Variants in FMN1 observed in about 807,000 individuals in gnomAD.
FMN1 encodes formin 1.
In FMN1, 110 loss-of-function variants were observed where a neutral mutation model predicts 132.4. The ratio of observed to expected loss-of-function variants is 0.83; its 90% CI spans 0.71 to 0.97. The LOEUF (loss-of-function observed/expected upper bound fraction) is 0.97. FMN1 is among the 50% of genes least tolerant of loss of function. The probability of loss-of-function intolerance (pLI) is 0.00; values close to 1 mark genes in which losing one functional copy is unlikely to be tolerated. For missense variants in FMN1, 1,792 were observed against 1,705.3 expected (o/e 1.05, Z -0.90); for synonymous variants, 722 against 651.7 (o/e 1.11, Z -1.64).
chr15:33,055,652 G>A (rs1469114570), intron 6 of FMN1, among the ~76,000 whole-genome samples: 2 of 151,488 alleles, frequency 1.3e-5, no homozygotes, highest in Non-Finnish European at 1.5e-5. Flanking sequence ...AATATTGCAG[G>A]TCTAAATGAC....
At position 32,973,770 on chromosome 15, in the gene FMN1, A is replaced by T. The variant is rs369534163; in HGVS notation, c.2224-4293T>A. On this transcript the variant is annotated intron_variant, in intron 7 of 20. Transcript: ENST00000616417. ...ATTTCAAATTGTGTCTGACTCTATT[A>T]CAAATGAAGCATCTCAAGTTCATGC... Among the ~76,000 whole-genome samples the T allele has an allele frequency of 3.3e-5, 5 of 152,298 alleles. No homozygotes were observed. The East Asian group carries it at 9.6e-4, about 29-fold the overall frequency.
intron 2 of FMN1, among the ~76,000 whole-genome samples, chr15:33,186,397 G>A (rs1330128780): frequency 6.6e-6 from 1 of 151,940 alleles, no homozygotes; most frequent in Admixed American, 6.6e-5. Flanking sequence ...ATAGAAAAGT[G>A]TTTAGCCTCG....
intron 3 of FMN1, among the ~76,000 whole-genome samples, chr15:33,158,246 C>T (rs1005680813): frequency 2.9e-4 from 44 of 152,076 alleles, no homozygotes; most frequent in Non-Finnish European, 4.3e-4. Context: ...ACATGTAGTG[C>T]CTGTTTACAG....
chr15:33,118,999 T>G (rs955419988), intron 4 of FMN1, among the ~76,000 whole-genome samples: 2 of 152,104 alleles, frequency 1.3e-5, no homozygotes, highest in African/African-American at 4.8e-5. Context: ...GATGGTATAA[T>G]TTAAAAAATT....
At chr15:32,888,348 G>A (rs1248017322) in intron 15 of FMN1, 56 bp from the exon 16 acceptor site, 1 of 1,459,932 alleles carries the variant, frequency 6.8e-7, no homozygotes, top group South Asian at 1.4e-5. Context: ...ACTTTCAGTT[G>A]AAATTCCAAA....
At chr15:32,979,923 A>AT (rs2032515735) in intron 7 of FMN1, among the ~76,000 whole-genome samples, 1 of 152,234 alleles carries the variant, frequency 6.6e-6, no homozygotes, top group Non-Finnish European at 1.5e-5. Flanking sequence ...TTCATTACTT[A>AT]AACAAATGAC....
chr15:32,950,461 G>A (rs1596331064), intron 9 of FMN1, among the ~76,000 whole-genome samples: 1 of 152,132 alleles, frequency 6.6e-6, no homozygotes, highest in African/African-American at 2.4e-5. Flanking sequence ...ATGACAGACT[G>A]GATTTTAAAA....
intron 4 of FMN1, among the ~76,000 whole-genome samples, chr15:33,120,826 A>G (rs1227746316): frequency 2.7e-5 from 4 of 148,900 alleles, no homozygotes; most frequent in South Asian, 2.1e-4. Flanking sequence ...TGTATTTTTA[A>G]AAGTATTTCT....
intron 16 of FMN1, among the ~76,000 whole-genome samples, chr15:32,877,211 C>T (rs746862458): frequency 2.2e-4 from 33 of 151,282 alleles, no homozygotes; most frequent in Non-Finnish European, 3.4e-4. Context: ...CGTTTGAACC[C>T]GGGAGGCGGA....
At position 32,771,050 on chromosome 15, in the gene FMN1, C is replaced by T. The variant is rs980995820; in HGVS notation, c.*3260G>A. 1 of 151,542 alleles carries T rather than the reference C, an allele frequency of 6.6e-6. No individual in the cohort carries two copies. Among genetic ancestry groups the T allele is most frequent in the African/African-American group, 2.4e-5 (1 of 41,172 alleles). The allele number at this position is 151,542 out of a possible 1,614,324, so 9.4% of individuals were successfully genotyped here. Reference sequence around the variant, plus strand: ...ATTGAGATAAAAGCCATACAGCACACCTCCTAACCTGGTTTTTGATACTTC... The same window carrying T: ...ATTGAGATAAAAGCCATACAGCACATCTCCTAACCTGGTTTTTGATACTTC... On this transcript the variant is annotated 3_prime_UTR_variant, in exon 21 of 21. Coordinates refer to ENST00000616417, the MANE Select transcript of FMN1 (RefSeq NM_001277313.2).
At chr15:33,114,620 T>C (rs2039841361) in intron 4 of FMN1, among the ~76,000 whole-genome samples, 1 of 152,114 alleles carries the variant, frequency 6.6e-6, no homozygotes, top group Non-Finnish European at 1.5e-5. Context: ...CACTTAGGAT[T>C]TCCTTCCCCT....
At chr15:32,861,874 T>G (rs907073413) in intron 16 of FMN1, among the ~76,000 whole-genome samples, 2 of 152,206 alleles carry the variant, frequency 1.3e-5, no homozygotes, top group African/African-American at 4.8e-5. Context: ...CCTAGGCCTC[T>G]GAGCTTCGCG....
chr15:32,939,174 T>A (rs1268812020), intron 9 of FMN1, among the ~76,000 whole-genome samples: 4 of 152,226 alleles, frequency 2.6e-5, no homozygotes, highest in African/African-American at 7.2e-5. Context: ...GTGATAACAA[T>A]ACTTCAGGCT....
intron 17 of FMN1, among the ~76,000 whole-genome samples, chr15:32,849,304 TTC>T (rs2058947049): frequency 6.6e-6 from 1 of 152,084 alleles, no homozygotes; most frequent in Non-Finnish European, 1.5e-5. Flanking sequence ...CTTAGGTTAA[TTC>T]TTATTTGTTC....
At chr15:33,126,196 T>C (rs1420919904) in intron 4 of FMN1, among the ~76,000 whole-genome samples, 1 of 151,536 alleles carries the variant, frequency 6.6e-6, no homozygotes, top group Non-Finnish European at 1.5e-5. Flanking sequence ...ACATGGTGTG[T>C]TATTAAGCAC....
chr15:33,035,976 A>G (rs534976506), intron 6 of FMN1, among the ~76,000 whole-genome samples: 1 of 152,256 alleles, frequency 6.6e-6, no homozygotes, highest in South Asian at 2.1e-4. Flanking sequence ...CTGTGTTTGC[A>G]TGTTAGCACA....
At position 32,959,362 on chromosome 15, in the gene FMN1, A is replaced by G. The variant is rs189877748; in HGVS notation, c.3138+4745T>C. Among the ~76,000 whole-genome samples the G allele has an allele frequency of 3.6e-3, 547 of 152,308 alleles. 4 individuals carry two copies. The highest frequency in any genetic ancestry group is 5.0e-3 in the Non-Finnish European group (337 of 68,034). On this transcript the variant is annotated intron_variant, in intron 9 of 20. Transcript: ENST00000616417. ...AGAAGAGACCAAGGGATCCATCTTG[A>G]TGTTGGAAATCTGGCCACAGGCATG...
At chr15:33,133,451 T>C (rs1429038236) in intron 4 of FMN1, among the ~76,000 whole-genome samples, 2 of 152,204 alleles carry the variant, frequency 1.3e-5, no homozygotes, top group Admixed American at 1.3e-4. Flanking sequence ...AACAGGGCCA[T>C]AGAAACTGTA....
chr15:33,023,174 G>T (rs1039048468), intron 6 of FMN1, among the ~76,000 whole-genome samples: 1 of 147,862 alleles, frequency 6.8e-6, no homozygotes, highest in Non-Finnish European at 1.5e-5. Flanking sequence ...AACCCAATAC[G>T]CTATTATAAG....
Sources: gnomAD v4.1 joint callset for allele counts (sites outside exome capture counted in the v4.1 genomes callset) on GRCh38, gnomAD v4.1.1 for gene constraint, MANE v1.5 for transcripts, NCBI Gene and HGNC (gene_info 2026-07-23, HGNC 2026-07-21) for gene names.